Variants in BPIFB4 observed in about 807,000 individuals in gnomAD.
BPIFB4 encodes the protein BPI fold-containing family B member 4.
A neutral mutation model predicts 69.2 loss-of-function variants in BPIFB4; 62 were observed. The observed-to-expected ratio is 0.90, with a 90% CI of 0.73 to 1.11. BPIFB4 has a LOEUF of 1.11. Among genes scored for constraint, BPIFB4 ranks in the 50% least tolerant of loss-of-function variants. The pLI is 0.00. For missense variants in BPIFB4, 789 were observed against 792.0 expected (o/e 1.00, Z 0.04); for synonymous variants, 330 against 332.7 (o/e 0.99, Z 0.09).
Position 33,083,414 on chromosome 20 carries a change from C to A in BPIFB4, c.217C>A (p.Pro73Thr), listed in dbSNP as rs370732161. Residue 73 changes from proline (P) to threonine (T), a missense_variant, in exon 5 of 18, where the codon CCA becomes ACA. Transcript: ENST00000375483. ...YNDFHVRGPP[P>T]VYTNGKKLDG... ...TGACTTCCATGTCCGAGGACCCCCC[C>A]CAGTATATACCAACGGCAAAAAACT... is the stretch of plus-strand genomic sequence containing the variant. 9.3e-6 allele frequency: 15 copies of A among 1,613,426 alleles called. No homozygotes were observed. In the Admixed American group the frequency reaches 2.5e-4, roughly 27 times the overall value.
Position 33,100,493 on chromosome 20 carries a change from A to G in BPIFB4, c.1637A>G (p.Lys546Arg). ...DKLMIDAKLE[K>R]TSLNLRTSNV... ...CTCATGATTGATGCCAAGCTGGAGA[A>G]GTAAGGGGCTATGCTGCCTTGGGGT... The change falls in exon 14 of 18, where the codon AAG (lysine) becomes AGG (arginine). Residue 546 changes from lysine to arginine, a missense_variant and splice_region_variant. Lys to Arg is a conservative substitution (Grantham distance 26, BLOSUM62 2). Coordinates refer to ENST00000375483, the MANE Select transcript of BPIFB4 (RefSeq NM_182519.3). 4 of 1,607,280 alleles carry G rather than the reference A, an allele frequency of 2.5e-6. No individual in the cohort carries two copies. The highest frequency in any genetic ancestry group is 3.4e-6 in the Non-Finnish European group (4 of 1,173,808).
chr20:33,086,692 A>G (rs1245146579), intron 7 of BPIFB4, among the ~76,000 whole-genome samples: 1 of 152,242 alleles, frequency 6.6e-6, no homozygotes, highest in East Asian at 1.9e-4. Flanking sequence ...TTGGTGCCCC[A>G]GATCACAGGG....
In BPIFB4 at chr20:33,083,566, T is replaced by TCG; in HGVS notation, c.371_372dup (p.Ser125AlafsTer109). On this transcript the variant is annotated frameshift_variant, in exon 5 of 18. Transcript: ENST00000375483. LOFTEE classifies it high-confidence loss of function. ...TCAGGGACCTCCGAAACAGTGGCTA[T>TCG]CGCAGTGCCGAGAATGCATATGGAG... is the stretch of plus-strand genomic sequence containing the variant. 1 of 1,614,006 alleles carries TCG rather than the reference T, an allele frequency of 6.2e-7. No homozygotes were observed. The highest frequency in any genetic ancestry group is 8.5e-7 in the Non-Finnish European group (1 of 1,179,996).
chr20:33,081,438 G>A, intron 2 of BPIFB4, 74 bp from the exon 3 acceptor site: 1 of 1,521,030 alleles, frequency 6.6e-7, no homozygotes, highest in Non-Finnish European at 8.8e-7. Context: ...TCTTGGCTGG[G>A]GCTGCCTAGT....
intron 14 of BPIFB4, 67 bp downstream of exon 14, chr20:33,100,560 G>A: frequency 6.9e-7 from 1 of 1,452,922 alleles, no homozygotes; most frequent in Non-Finnish European, 9.6e-7. Flanking sequence ...CCACCAGGGA[G>A]CGGGTAGAGG....
intron 12 of BPIFB4, among the ~76,000 whole-genome samples, chr20:33,096,928 A>G (rs905138161): frequency 7.2e-5 from 11 of 152,268 alleles, no homozygotes; most frequent in East Asian, 1.9e-4. Flanking sequence ...TGGTAAGTCA[A>G]TCATTTGATA....
chr20:33,082,166 A>C (rs1192603118), intron 3 of BPIFB4, among the ~76,000 whole-genome samples: 1 of 151,970 alleles, frequency 6.6e-6, no homozygotes, highest in Non-Finnish European at 1.5e-5. Context: ...CTCCCTCAAC[A>C]CCCATCCCAG....
At chr20:33,104,943 C>A in intron 16 of BPIFB4, 70 bp downstream of exon 16, 3 of 1,476,836 alleles carry the variant, frequency 2.0e-6, no homozygotes, top group African/African-American at 1.4e-5. Context: ...GCTTGTTGGG[C>A]ATGCTGGATG....
Position 33,084,937 on chromosome 20 carries a change from C to T in BPIFB4, c.723C>T (p.Leu241=), listed in dbSNP as rs751156468. The change falls in exon 6 of 18, where the codon CTC becomes CTT. Residue 241 remains leucine (L), a synonymous_variant. Transcript: ENST00000375483. ...CCCTCCCTCGGGTGTCCGTGCGGCT[C>T]CTGCCCGGCGTGGGTGTCTACCTGA... ...ELTLPRVSVR[L]LPGVGVYLSL... 17 of 1,611,272 alleles carry T rather than the reference C, an allele frequency of 1.1e-5. No individual in the cohort carries two copies. Among genetic ancestry groups the T allele is most frequent in the Admixed American group, 1.7e-5 (1 of 60,004 alleles).
chr20:33,111,245 A>T (rs1220207062), intron 17 of BPIFB4, among the ~76,000 whole-genome samples, 169 bp from the exon 18 acceptor site: 1 of 152,198 alleles, frequency 6.6e-6, no homozygotes, highest in Non-Finnish European at 1.5e-5. Context: ...ACAGGGCCAG[A>T]TAATGACCTG....
At chr20:33,096,317 C>T (rs1168672697) in intron 12 of BPIFB4, among the ~76,000 whole-genome samples, 2 of 152,182 alleles carry the variant, frequency 1.3e-5, no homozygotes, top group Admixed American at 6.5e-5. Context: ...GCTGCGTTGC[C>T]TAGGCTGGAG....
chr20:33,109,105 G>C (rs1023399127), intron 17 of BPIFB4, among the ~76,000 whole-genome samples: 1 of 152,176 alleles, frequency 6.6e-6, no homozygotes, highest in Non-Finnish European at 1.5e-5. Flanking sequence ...AGTCTCTTGA[G>C]ATCCTGTAGG....
chr20:33,103,012 G>A lies in BPIFB4; in HGVS notation c.1678G>A (p.Asp560Asn), dbSNP rs751415507. 4 of 1,613,786 alleles carry A rather than the reference G, an allele frequency of 2.5e-6. No individual in the cohort carries two copies. Among genetic ancestry groups the A allele is most frequent in the Non-Finnish European group, 3.4e-6 (4 of 1,179,804 alleles). ...NLRTSNVGNF[D>N]IGLMEVLVEK... is the part of the protein sequence containing the mutation. ...CAGAACCTCAAACGTGGGCAACTTT[G>A]ATGTAAGTACCATGTTTAGTTCCCA... Residue 560 changes from aspartate to asparagine, a missense_variant and splice_region_variant, in exon 15 of 18, where the codon GAT becomes AAT. Asp to Asn is a conservative substitution (Grantham distance 23). This residue lies in a region of BPIFB4 where 170 missense variants were observed against 193.6 expected (regional missense o/e 0.88). Transcript: ENST00000375483.
At chr20:33,082,288 T>A (rs1981254732) in intron 3 of BPIFB4, among the ~76,000 whole-genome samples, 1 of 152,208 alleles carries the variant, frequency 6.6e-6, no homozygotes, top group African/African-American at 2.4e-5. Context: ...GCCTTGACTA[T>A]TTCCCAAGAA....
At chr20:33,109,517 A>G (rs1241036180) in intron 17 of BPIFB4, among the ~76,000 whole-genome samples, 1 of 152,022 alleles carries the variant, frequency 6.6e-6, no homozygotes, top group East Asian at 1.9e-4. Flanking sequence ...TTCCACCAAA[A>G]CAGTGTGAAG....
In BPIFB4 at chr20:33,083,883, G is replaced by A. The variant is rs866769439; in HGVS notation, c.677+9G>A. The A allele has an allele frequency of 1.3e-6, 2 of 1,594,310 alleles. No individual in the cohort carries two copies. Among genetic ancestry groups the A allele is most frequent in the Non-Finnish European group, 1.7e-6 (2 of 1,169,088 alleles). On this transcript the variant is annotated intron_variant, in intron 5 of 17. Transcript: ENST00000375483. ...GTGCAAGGCATCACGGGGTAAGGAG[G>A]GGACGGGTTCTCCCCAGAAAGCCCC...
intron 8 of BPIFB4, 68 bp from the exon 9 acceptor site, chr20:33,089,430 C>G (rs376154706): frequency 1.2e-6 from 2 of 1,609,016 alleles, no homozygotes; most frequent in Non-Finnish European, 1.7e-6. Context: ...GTTACTCTTG[C>G]GTCCCCGACT....
At chr20:33,085,026 C>T (rs1254887216) in intron 6 of BPIFB4, 30 bp downstream of exon 6, 2 of 1,600,328 alleles carry the variant, frequency 1.2e-6, no homozygotes, top group Non-Finnish European at 1.7e-6. Context: ...GAGGGGTCCC[C>T]ACCACCCTAT....
intron 13 of BPIFB4, 48 bp from the exon 14 acceptor site, chr20:33,100,378 G>C (rs140292229): frequency 6.7e-7 from 1 of 1,493,280 alleles, no homozygotes. Context: ...GCAAGCACTG[G>C]CCAAGACATG....
Sources: allele counts gnomAD v4.1 joint callset (sites outside exome capture counted in the v4.1 genomes callset), GRCh38; gene constraint gnomAD v4.1.1; regional missense constraint gnomAD v4.1.1; transcripts MANE v1.5; gene names NCBI Gene and HGNC (gene_info 2026-07-23, HGNC 2026-07-21).